Variants in ARFGEF1 observed in about 807,000 individuals in gnomAD.
The protein encoded by ARFGEF1 is brefeldin A-inhibited guanine nucleotide-exchange protein 1.
A neutral mutation model predicts 231.0 loss-of-function variants in ARFGEF1; 42 were observed. That is an observed-to-expected ratio of 0.18 (90% CI 0.14 to 0.24). The LOEUF is 0.24. Ranked by LOEUF, ARFGEF1 falls within the 10% of genes least tolerant of loss-of-function variation. The pLI is 1.00. For synonymous variants in ARFGEF1, 710 were observed against 732.3 expected (o/e 0.97, Z 0.49); for missense variants, 1,345 against 2,192.0 (o/e 0.61, Z 7.72).
At chr8:67,229,929 G>A (rs893683193) in intron 23 of ARFGEF1, among the ~76,000 whole-genome samples, 2 of 152,082 alleles carry the variant, frequency 1.3e-5, no homozygotes, top group Non-Finnish European at 2.9e-5. Context: ...GAACCACAGG[G>A]AAGGGAAGCA....
chr8:67,321,727 TG>T (rs1020335143), intron 1 of ARFGEF1, among the ~76,000 whole-genome samples: 130 of 152,354 alleles, frequency 8.5e-4, no homozygotes, highest in Non-Finnish European at 1.5e-3. Context: ...CCCAAAGTGC[TG>T]GGATTACAGG....
Position 67,343,403 on chromosome 8 carries a change from T to C in ARFGEF1, c.-116A>G. ...AGGAGAGGGGGTGGAGGTGGGGGAT[T>C]GGAGGCGTGGAGGGCAGCGGCAGGA... On this transcript the variant is annotated 5_prime_UTR_variant, in exon 1 of 39. Coordinates refer to ENST00000262215, the MANE Select transcript of ARFGEF1 (RefSeq NM_006421.5). 1 of 1,084,790 alleles carries C rather than the reference T, an allele frequency of 9.2e-7. No individual in the cohort carries two copies. The highest frequency in any genetic ancestry group is 1.2e-6 in the Non-Finnish European group (1 of 823,044). The allele number at this position is 1,084,790 out of a possible 1,614,324, so 67.2% of individuals were successfully genotyped here.
chr8:67,327,241 A>G (rs939990836), intron 1 of ARFGEF1, among the ~76,000 whole-genome samples: 5 of 151,684 alleles, frequency 3.3e-5, no homozygotes, highest in African/African-American at 1.2e-4. Flanking sequence ...CACATGCTTG[A>G]GAAAGAAGAT....
chr8:67,317,823 A>G (rs1260541947), intron 1 of ARFGEF1, among the ~76,000 whole-genome samples: 1 of 144,322 alleles, frequency 6.9e-6, no homozygotes, highest in Non-Finnish European at 1.5e-5. Context: ...TGCTTGAACC[A>G]GGGAAACAGA....
intron 1 of ARFGEF1, among the ~76,000 whole-genome samples, chr8:67,312,532 A>G (rs527440222): frequency 4.1e-4 from 62 of 152,326 alleles, no homozygotes; most frequent in Admixed American, 3.3e-3. Flanking sequence ...GATAACAAAA[A>G]AAACAAACAA....
intron 29 of ARFGEF1, among the ~76,000 whole-genome samples, chr8:67,222,861 C>G (rs1445987345): frequency 6.6e-6 from 1 of 152,224 alleles, no homozygotes; most frequent in Non-Finnish European, 1.5e-5. Context: ...GCTGAGATTA[C>G]AGGCGTGAGC....
At chr8:67,285,534 A>C (rs1288782782) in intron 7 of ARFGEF1, among the ~76,000 whole-genome samples, 1 of 152,094 alleles carries the variant, frequency 6.6e-6, no homozygotes, top group African/African-American at 2.4e-5. Context: ...AAACAAAAAA[A>C]AACACTGGGT....
At chr8:67,238,320 TG>T in intron 22 of ARFGEF1, 22 bp downstream of exon 22, 1 of 1,574,210 alleles carries the variant, frequency 6.4e-7, no homozygotes, top group Non-Finnish European at 8.6e-7. Context: ...AAACAATTTT[TG>T]ATACTTTGTA....
At chr8:67,339,415 G>A (rs1036648111) in intron 1 of ARFGEF1, among the ~76,000 whole-genome samples, 2 of 151,780 alleles carry the variant, frequency 1.3e-5, no homozygotes, top group African/African-American at 2.4e-5. Flanking sequence ...CTCTTCATTC[G>A]ATGTCAGAAA....
chr8:67,250,256 AAG>A (rs1276923012), intron 19 of ARFGEF1, among the ~76,000 whole-genome samples: 1 of 152,194 alleles, frequency 6.6e-6, no homozygotes, highest in East Asian at 1.9e-4. Flanking sequence ...ATAAACGGGT[AAG>A]AGGAGTGAAA....
chr8:67,274,658 T>G (rs1805238724), intron 9 of ARFGEF1, among the ~76,000 whole-genome samples: 1 of 152,124 alleles, frequency 6.6e-6, no homozygotes, highest in South Asian at 2.1e-4. Flanking sequence ...TTTAAAGAAT[T>G]TCTTCTTTTC....
At chr8:67,235,874 G>C (rs1839715258) in intron 22 of ARFGEF1, among the ~76,000 whole-genome samples, 1 of 151,994 alleles carries the variant, frequency 6.6e-6, no homozygotes, top group Admixed American at 6.6e-5. Context: ...CTTAATAACT[G>C]AAAGTTTCGT....
At chr8:67,244,419 C>G (rs1840041674) in intron 19 of ARFGEF1, among the ~76,000 whole-genome samples, 1 of 140,666 alleles carries the variant, frequency 7.1e-6, no homozygotes, top group African/African-American at 2.8e-5. Context: ...AGCAATCCTC[C>G]CACCTCAGCT....
chr8:67,227,736 T>C, intron 25 of ARFGEF1, 138 bp from the exon 26 acceptor site: 2 of 960,680 alleles, frequency 2.1e-6, no homozygotes, highest in Non-Finnish European at 3.0e-6. Context: ...GCATTAAGTA[T>C]GCTAAAACTA....
chr8:67,246,903 A>G (rs1239157028), intron 19 of ARFGEF1, among the ~76,000 whole-genome samples: 1 of 150,396 alleles, frequency 6.6e-6, no homozygotes, highest in Non-Finnish European at 1.5e-5. Context: ...TTAGAGATGA[A>G]AAAGGAGACA....
intron 37 of ARFGEF1, 69 bp downstream of exon 37, chr8:67,201,398 C>T (rs1213988216): frequency 1.3e-5 from 20 of 1,534,186 alleles, no homozygotes; most frequent in Middle Eastern, 2.0e-4. Flanking sequence ...ATGGTCCCGC[C>T]GGTGCCTCTT....
intron 1 of ARFGEF1, among the ~76,000 whole-genome samples, chr8:67,323,340 C>T (rs575726508): frequency 1.3e-5 from 2 of 152,304 alleles, no homozygotes; most frequent in Non-Finnish European, 2.9e-5. Flanking sequence ...AAAGACCTAA[C>T]TGGGTAACAT....
intron 5 of ARFGEF1, among the ~76,000 whole-genome samples, chr8:67,186,032 T>C (rs752288074): frequency 2.6e-5 from 4 of 152,224 alleles, no homozygotes; most frequent in Non-Finnish European, 5.9e-5. Flanking sequence ...GTTCATTAAT[T>C]ATGTGAAGAA....
intron 34 of ARFGEF1, among the ~76,000 whole-genome samples, chr8:67,205,486 T>C (rs757031458): frequency 7.2e-5 from 11 of 152,070 alleles, no homozygotes; most frequent in Non-Finnish European, 1.6e-4. Flanking sequence ...ATTCAACAAA[T>C]GGATAAAAAT....
Sources: gnomAD v4.1 joint callset for allele counts (sites outside exome capture counted in the v4.1 genomes callset) on GRCh38, gnomAD v4.1.1 for gene constraint, MANE v1.5 for transcripts, NCBI Gene and HGNC (gene_info 2026-07-23, HGNC 2026-07-21) for gene names.